Variants in CCDC88A observed in about 807,000 individuals in gnomAD.
CCDC88A encodes coiled-coil and HOOK domain protein 88A.
Under a neutral mutation model 234.3 loss-of-function variants are expected in CCDC88A, and 54 were observed. The ratio of observed to expected loss-of-function variants is 0.23; its 90% CI spans 0.19 to 0.29. The LOEUF (loss-of-function observed/expected upper bound fraction) is 0.29. Ranked by LOEUF, CCDC88A falls within the 10% of genes least tolerant of loss-of-function variation. CCDC88A has a pLI of 1.00. For synonymous variants in CCDC88A, 753 were observed against 737.8 expected, an observed-to-expected ratio of 1.02 and a Z score of -0.33; for missense variants, 1,832 against 2,123.4, an observed-to-expected ratio of 0.86 and a Z score of 2.70.
intron 2 of CCDC88A, among the ~76,000 whole-genome samples, chr2:55,414,350 A>T (rs942376777): frequency 6.6e-6 from 1 of 152,236 alleles, no homozygotes; most frequent in African/African-American, 2.4e-5. Context: ...CAGGAAAATA[A>T]TTATTTCTAC....
chr2:55,391,689 T>A (rs915006676), intron 2 of CCDC88A, among the ~76,000 whole-genome samples: 3 of 152,186 alleles, frequency 2.0e-5, no homozygotes. Context: ...ATTAGTGAAC[T>A]TGAAGACATT....
At chr2:55,307,324 A>G (rs1250106145) in intron 25 of CCDC88A, among the ~76,000 whole-genome samples, 2 of 151,938 alleles carry the variant, frequency 1.3e-5, no homozygotes, top group African/African-American at 4.8e-5. Context: ...AAATTATATC[A>G]TAAGTTTATA....
In CCDC88A at chr2:55,287,947, T is replaced by C. The variant is rs1384430100; in HGVS notation, c.*3253A>G. The stretch of plus-strand genomic sequence containing the variant: ...AGGAGAAACAAAATGAAAAATGTTT[T>C]TTAAAAAACAAACAGTGGTATCTCT... On this transcript the variant is annotated 3_prime_UTR_variant, in exon 33 of 33. Transcript: ENST00000436346. 6.6e-6 allele frequency: 1 copy of C among 152,640 alleles called. No homozygotes were observed. The highest frequency in any genetic ancestry group is 1.5e-5 in the Non-Finnish European group (1 of 68,030). 9.5% of individuals were successfully genotyped at this position (152,640 alleles called of 1,614,324 possible).
intron 3 of CCDC88A, among the ~76,000 whole-genome samples, chr2:55,376,013 A>G (rs755150201): frequency 4.6e-5 from 7 of 152,328 alleles, no homozygotes; most frequent in Non-Finnish European, 1.0e-4. Flanking sequence ...AACTTTAGTT[A>G]CAAGAATACA....
intron 5 of CCDC88A, among the ~76,000 whole-genome samples, chr2:55,369,061 G>C (rs1341145408): frequency 6.6e-6 from 1 of 152,076 alleles, no homozygotes; most frequent in East Asian, 1.9e-4. Flanking sequence ...TTGAGATGGA[G>C]TCTTGCTCTG....
At chr2:55,390,200 G>A (rs1676420384) in intron 2 of CCDC88A, among the ~76,000 whole-genome samples, 1 of 151,840 alleles carries the variant, frequency 6.6e-6, no homozygotes, top group Non-Finnish European at 1.5e-5. Context: ...TCTCTTTAAT[G>A]CGTGGTTTAA....
intron 2 of CCDC88A, among the ~76,000 whole-genome samples, chr2:55,398,987 AT>A (rs1678108775): frequency 6.6e-6 from 1 of 152,206 alleles, no homozygotes; most frequent in Non-Finnish European, 1.5e-5. Flanking sequence ...CGGAAAAATA[AT>A]ACCTGGCTTT....
rs1558787969 is a variant in CCDC88A at position 55,384,560 on chromosome 2, C to CGT, written c.273+4217_273+4218insAC. Among the ~76,000 whole-genome samples, 6 of 19,040 alleles carry CGT rather than the reference C, an allele frequency of 3.2e-4. 2 individuals carry two copies. The highest frequency in any genetic ancestry group is 2.0e-3 in the African/African-American group (6 of 3,016). The allele number at this position is 19,040 out of a possible 152,430, so 12.5% of individuals were successfully genotyped here. On this transcript the variant is annotated intron_variant, in intron 3 of 32. Coordinates refer to ENST00000436346, the MANE Select transcript of CCDC88A (RefSeq NM_001365480.1). ...ATATACGTATATATGTGTATATATA[C>CGT]ACATATATACGTATATATGTGTATA...
intron 8 of CCDC88A, among the ~76,000 whole-genome samples, chr2:55,353,442 T>C (rs914033842): frequency 2.6e-5 from 4 of 152,176 alleles, no homozygotes; most frequent in African/African-American, 9.7e-5. Flanking sequence ...TTCATTTCAA[T>C]AGATACATAA....
chr2:55,383,131 G>T (rs530640022), intron 3 of CCDC88A, among the ~76,000 whole-genome samples: 1 of 149,848 alleles, frequency 6.7e-6, no homozygotes, highest in Non-Finnish European at 1.5e-5. Flanking sequence ...TTACTGAAAA[G>T]ATAAATTGAA....
chr2:55,289,747 G>C lies in CCDC88A; in HGVS notation c.*1453C>G, dbSNP rs183851885. On this transcript the variant is annotated 3_prime_UTR_variant, in exon 33 of 33. Transcript: ENST00000436346. Reference sequence around the variant, plus strand: ...GAACACAACATTGCTACTGGCCTACGAAAGAGAGAGAGAAAGAGGGAGAGA... The same window carrying C: ...GAACACAACATTGCTACTGGCCTACCAAAGAGAGAGAGAAAGAGGGAGAGA... The C allele has an allele frequency of 7.5e-6, 1 of 132,900 alleles. No homozygotes were observed. 8.2% of individuals were successfully genotyped at this position (132,900 alleles called of 1,614,324 possible). A position where few individuals can be genotyped will look rare whatever the true frequency, so the allele number is the denominator to read the frequency against.
intron 3 of CCDC88A, among the ~76,000 whole-genome samples, chr2:55,378,320 C>T (rs934757781): frequency 7.9e-5 from 12 of 152,206 alleles, no homozygotes; most frequent in Admixed American, 5.9e-4. Flanking sequence ...TTCATCTTTA[C>T]GCTATGAAGT....
chr2:55,378,392 C>T (rs1674048899), intron 3 of CCDC88A, among the ~76,000 whole-genome samples: 1 of 152,190 alleles, frequency 6.6e-6, no homozygotes, highest in Non-Finnish European at 1.5e-5. Context: ...TAAAAATGTA[C>T]TCTAGTATAG....
intron 3 of CCDC88A, among the ~76,000 whole-genome samples, chr2:55,376,951 G>A (rs1018301241): frequency 1.3e-5 from 2 of 151,914 alleles, no homozygotes; most frequent in Admixed American, 6.6e-5. Flanking sequence ...CTGCCTCAGC[G>A]TCCCGAGTAG....
At chr2:55,376,432 G>T (rs961637536) in intron 3 of CCDC88A, among the ~76,000 whole-genome samples, 1 of 152,088 alleles carries the variant, frequency 6.6e-6, no homozygotes, top group African/African-American at 2.4e-5. Flanking sequence ...AAGTTAACTT[G>T]TGCCACTTTT....
At position 55,346,234 on chromosome 2, in the gene CCDC88A, C is replaced by T. The variant is rs1316511830; in HGVS notation, c.982G>A (p.Glu328Lys). Residue 328 changes from glutamate to lysine, a missense_variant, in exon 10 of 33, where the codon GAA becomes AAA. Physicochemically the swap from Glu to Lys is moderately conservative, Grantham distance 56. Around this residue, in one of 6 missense-constraint regions of CCDC88A, gnomAD observed 1,282 missense variants for 1,543.6 expected, o/e 0.83. Transcript: ENST00000436346. ...AGTCTCTCTTTATATCTGCTGACTT[C>T]ACTTTCAAGCTTATCGACTCTGACT... ...KAVRVDKLES[E>K]VSRYKERLHD... 1.2e-6 allele frequency: 2 copies of T among 1,611,566 alleles called. No individual in the cohort carries two copies. The highest frequency in any genetic ancestry group is 1.3e-5 in the African/African-American group (1 of 74,988).
intron 7 of CCDC88A, 43 bp from the exon 8 acceptor site, chr2:55,355,794 G>C (rs747195766): frequency 6.6e-7 from 1 of 1,507,670 alleles, no homozygotes; most frequent in African/African-American, 1.4e-5. Flanking sequence ...CTACATATTA[G>C]CAAACTAAAC....
At chr2:55,295,541 A>C in intron 31 of CCDC88A, 56 bp downstream of exon 31, 3 of 1,613,984 alleles carry the variant, frequency 1.9e-6, no homozygotes, top group Non-Finnish European at 2.5e-6. Context: ...AAGAACCTAT[A>C]GTATGTGTTG....
intron 2 of CCDC88A, among the ~76,000 whole-genome samples, chr2:55,400,326 C>G (rs1236325769): frequency 6.6e-6 from 1 of 152,140 alleles, no homozygotes. Context: ...TCCAATCACA[C>G]ACAGCTATTT....
Sources: allele counts gnomAD v4.1 joint callset (sites outside exome capture counted in the v4.1 genomes callset), GRCh38; gene constraint gnomAD v4.1.1; regional missense constraint gnomAD v4.1.1; transcripts MANE v1.5; gene names NCBI Gene and HGNC (gene_info 2026-07-23, HGNC 2026-07-21).